The following MSRA variants were observed in gnomAD, a reference collection of about 807,000 sequenced individuals.
MSRA encodes methionine sulfoxide reductase A, also known as mitochondrial peptide methionine sulfoxide reductase.
In MSRA, 54 loss-of-function variants were observed where a neutral mutation model predicts 31.3. That is an observed-to-expected ratio of 1.73 (90% confidence interval 1.39 to 2.17). The LOEUF (loss-of-function observed/expected upper bound fraction) is 2.17. MSRA is among the 30% of genes most tolerant of loss of function. The probability of loss-of-function intolerance (pLI) is 0.00; values close to 1 mark genes in which losing one functional copy is unlikely to be tolerated. For synonymous variants in MSRA, 169 were observed against 116.5 expected (o/e 1.45, Z -2.90); for missense variants, 507 against 300.9 (o/e 1.69, Z -5.07).
intron 1 of MSRA, among the ~76,000 whole-genome samples, chr8:10,080,387 A>G (rs770299209): frequency 9.3e-5 from 14 of 151,214 alleles, no homozygotes; most frequent in East Asian, 1.9e-4. Flanking sequence ...ATTTGAAAGT[A>G]TAGTTGAAAC....
intron 5 of MSRA, among the ~76,000 whole-genome samples, chr8:10,328,171 A>C (rs1228950674): frequency 6.6e-6 from 1 of 151,160 alleles, no homozygotes. Flanking sequence ...GTGTCAACGT[A>C]ATGCTTTCTA....
At chr8:10,279,856 G>C (rs1034811817) in intron 3 of MSRA, among the ~76,000 whole-genome samples, 1 of 152,164 alleles carries the variant, frequency 6.6e-6, no homozygotes, top group Admixed American at 6.5e-5. Flanking sequence ...TCCTGAGTGT[G>C]CTTCTGGAGC....
chr8:10,396,003 G>A (rs1416966190), intron 5 of MSRA, among the ~76,000 whole-genome samples: 1 of 152,134 alleles, frequency 6.6e-6, no homozygotes, highest in Non-Finnish European at 1.5e-5. Context: ...ACTTGGTATG[G>A]CTCCATTTCT....
At chr8:10,091,625 A>C (rs1360036805) in intron 1 of MSRA, among the ~76,000 whole-genome samples, 2 of 112,902 alleles carry the variant, frequency 1.8e-5, no homozygotes, top group Non-Finnish European at 3.6e-5. Flanking sequence ...TTTTTTTTTG[A>C]GTTGAAATTT....
intron 5 of MSRA, among the ~76,000 whole-genome samples, chr8:10,424,341 GGGCCTGGGGTGGAGCGGGAATGGGGAGAA>G (rs1215938971): frequency 1.3e-5 from 2 of 152,158 alleles, no homozygotes; most frequent in African/African-American, 4.8e-5. Context: ...TCAGGGAGAA[GGGCCTGGGGTGGAGCGGGAATGGGGAGAA>G]GGCCCGGGGT....
chr8:10,268,458 G>A (rs188018022), intron 3 of MSRA, among the ~76,000 whole-genome samples: 235 of 152,266 alleles, frequency 1.5e-3, no homozygotes, highest in Admixed American at 4.0e-3. Context: ...CCGAGGTTAG[G>A]GTGGGGCATT....
intron 4 of MSRA, among the ~76,000 whole-genome samples, chr8:10,317,525 T>C (rs1460241331): frequency 6.6e-6 from 1 of 152,128 alleles, no homozygotes. Flanking sequence ...AGAAAGTGGA[T>C]GGAGAAATCT....
chr8:10,124,746 GA>G (rs1476883138), intron 1 of MSRA, among the ~76,000 whole-genome samples: 3 of 152,150 alleles, frequency 2.0e-5, no homozygotes, highest in African/African-American at 4.8e-5. Context: ...ATGCAGAGAT[GA>G]TTTTTTTTTG....
At chr8:10,308,324 A>C (rs1177224222) in intron 4 of MSRA, among the ~76,000 whole-genome samples, 2 of 152,160 alleles carry the variant, frequency 1.3e-5, no homozygotes, top group Non-Finnish European at 2.9e-5. Flanking sequence ...TCTTTAATCA[A>C]ACCTGTTGTT....
At chr8:10,248,205 A>C (rs1458621303) in intron 3 of MSRA, among the ~76,000 whole-genome samples, 1 of 152,194 alleles carries the variant, frequency 6.6e-6, no homozygotes, top group East Asian at 1.9e-4. Context: ...AGTTTGTAAA[A>C]CTTTGATCAC....
At chr8:10,345,199 A>G (rs934851869) in intron 5 of MSRA, among the ~76,000 whole-genome samples, 11 of 152,328 alleles carry the variant, frequency 7.2e-5, no homozygotes, top group Non-Finnish European at 1.6e-4. Flanking sequence ...GTTCAAGCCC[A>G]AAGTTAATGT....
intron 3 of MSRA, among the ~76,000 whole-genome samples, chr8:10,253,303 G>A (rs1315349987): frequency 2.0e-5 from 3 of 152,166 alleles, no homozygotes; most frequent in Admixed American, 6.5e-5. Flanking sequence ...CATGTGCTAC[G>A]TGTTCTTCAT....
At chr8:10,082,234 C>G (rs189868780) in intron 1 of MSRA, among the ~76,000 whole-genome samples, 32 of 152,150 alleles carry the variant, frequency 2.1e-4, no homozygotes, top group Admixed American at 1.9e-3. Context: ...ACAAACGAAA[C>G]AAAACAAACC....
chr8:10,335,232 T>A lies in MSRA; in HGVS notation c.543+15243T>A, dbSNP rs1016055012. Among the ~76,000 whole-genome samples, 178 of 147,462 alleles carry A rather than the reference T, an allele frequency of 1.2e-3. 1 individual carries two copies. Among genetic ancestry groups the A allele is most frequent in the African/African-American group, 4.2e-3 (167 of 40,178 alleles). On this transcript the variant is annotated intron_variant, in intron 5 of 5. Transcript: ENST00000317173. The stretch of plus-strand genomic sequence containing the variant: ...AAGTGAGCCACCTTTTCCTTCACCC[T>A]TAACACCTCCCAGCTCTGTTTTTTT...
At chr8:10,173,476 C>G (rs962162388) in intron 1 of MSRA, among the ~76,000 whole-genome samples, 1 of 152,222 alleles carries the variant, frequency 6.6e-6, no homozygotes, top group African/African-American at 2.4e-5. Context: ...TATACTGGGC[C>G]AAGTCTTCTT....
At chr8:10,061,529 G>A (rs761652255) in intron 1 of MSRA, among the ~76,000 whole-genome samples, 6 of 151,948 alleles carry the variant, frequency 3.9e-5, no homozygotes, top group South Asian at 2.1e-4. Flanking sequence ...CACGGAACTC[G>A]CACAATCTGT....
At chr8:10,346,037 T>G (rs552814237) in intron 5 of MSRA, among the ~76,000 whole-genome samples, 1 of 144,486 alleles carries the variant, frequency 6.9e-6, no homozygotes, top group East Asian at 1.9e-4. Context: ...CTTGGCTCAT[T>G]GTATTGTGTT....
intron 5 of MSRA, among the ~76,000 whole-genome samples, chr8:10,342,495 G>T (rs1486957585): frequency 2.0e-5 from 3 of 152,194 alleles, no homozygotes; most frequent in African/African-American, 7.2e-5. Context: ...TCCTGGAAAA[G>T]ATTCTGGAGT....
At chr8:10,396,207 G>A (rs1198427048) in intron 5 of MSRA, among the ~76,000 whole-genome samples, 1 of 152,168 alleles carries the variant, frequency 6.6e-6, no homozygotes, top group East Asian at 1.9e-4. Context: ...TACAAGGCCA[G>A]GCCTCCAGGA....
Sources: allele counts gnomAD v4.1 joint callset (sites outside exome capture counted in the v4.1 genomes callset), GRCh38; gene constraint gnomAD v4.1.1; transcripts MANE v1.5; gene names NCBI Gene and HGNC (gene_info 2026-07-23, HGNC 2026-07-21).